The following MYO1D variants were observed in gnomAD, a reference collection of about 807,000 sequenced individuals.
The protein encoded by MYO1D is myosin ID, also known as unconventional myosin-Id.
A neutral mutation model predicts 122.0 loss-of-function variants in MYO1D; 83 were observed. That is an observed-to-expected ratio of 0.68 (90% confidence interval 0.57 to 0.82). The LOEUF (loss-of-function observed/expected upper bound fraction) is 0.82. MYO1D is among the 40% of genes least tolerant of loss of function. The pLI is 0.00. For synonymous variants in MYO1D, 464 were observed against 446.9 expected (o/e 1.04, Z -0.48); for missense variants, 1,157 against 1,269.5 (o/e 0.91, Z 1.35).
chr17:32,874,237 T>G (rs1047640750), intron 1 of MYO1D, among the ~76,000 whole-genome samples: 1 of 149,288 alleles, frequency 6.7e-6, no homozygotes, highest in Admixed American at 6.6e-5. Flanking sequence ...TATCTTCTCT[T>G]TCTTTTCCTT....
intron 21 of MYO1D, among the ~76,000 whole-genome samples, chr17:32,587,844 A>C (rs183694656): frequency 6.6e-6 from 1 of 152,180 alleles, no homozygotes; most frequent in Non-Finnish European, 1.5e-5. Flanking sequence ...CCTCTGTTCC[A>C]GCTACTTCCA....
Position 32,765,740 on chromosome 17 carries a change from G to A in MYO1D, c.832-659C>T, listed in dbSNP as rs147258643. On this transcript the variant is annotated intron_variant, in intron 7 of 21. Coordinates refer to ENST00000318217, the MANE Select transcript of MYO1D (RefSeq NM_015194.3). ...CCCAAAGTGCTGGGATTACAGGCGT[G>A]AGCCACCGCGCCTGGCCTTTTTCCT... 2.6e-5 allele frequency among the ~76,000 whole-genome samples: 4 copies of A among 152,298 alleles called. No homozygotes were observed. The East Asian group carries it at 7.7e-4, about 29-fold the overall frequency.
chr17:32,789,651 G>A (rs1343533066), intron 1 of MYO1D, among the ~76,000 whole-genome samples: 1 of 152,186 alleles, frequency 6.6e-6, no homozygotes, highest in Non-Finnish European at 1.5e-5. Flanking sequence ...AAGTTAGGAG[G>A]AGGTCATTAG....
chr17:32,844,056 A>G (rs1465617481), intron 1 of MYO1D, among the ~76,000 whole-genome samples: 1 of 151,002 alleles, frequency 6.6e-6, no homozygotes, highest in Non-Finnish European at 1.5e-5. Flanking sequence ...GATATTTATC[A>G]GCATAATGAT....
At chr17:32,817,891 C>T (rs2090625359) in intron 1 of MYO1D, among the ~76,000 whole-genome samples, 1 of 151,884 alleles carries the variant, frequency 6.6e-6, no homozygotes, top group Admixed American at 6.6e-5. Context: ...CTTTGGGAGG[C>T]CGAGGCGGGC....
intron 21 of MYO1D, 72 bp downstream of exon 21, chr17:32,605,015 A>C: frequency 7.2e-7 from 1 of 1,387,114 alleles, no homozygotes; most frequent in Middle Eastern, 1.9e-4. Flanking sequence ...GCACAAAACA[A>C]GCTCAGTGAT....
intron 16 of MYO1D, among the ~76,000 whole-genome samples, chr17:32,678,251 TTTC>T (rs900562358): frequency 4.4e-4 from 38 of 85,394 alleles, no homozygotes; most frequent in African/African-American, 1.0e-3. Flanking sequence ...CAAAAATATA[TTTC>T]TTTTTTTTTT....
rs1319531903 is a variant in MYO1D at position 32,549,251 on chromosome 17, C to A, written c.2865-54336G>T. Among the ~76,000 whole-genome samples the A allele has an allele frequency of 2.6e-5, 4 of 152,116 alleles. No homozygotes were observed. The East Asian group carries it at 7.7e-4, about 29-fold the overall frequency. On this transcript the variant is annotated intron_variant, in intron 21 of 21. Coordinates refer to ENST00000318217, the MANE Select transcript of MYO1D (RefSeq NM_015194.3). ...AGGACTACAGGCACACAGCACCACA[C>A]CCAGCTAATTTTGTTCATTATTTTT... is the stretch of plus-strand genomic sequence containing the variant.
chr17:32,567,331 A>T lies in MYO1D; in HGVS notation c.2864+37756T>A, dbSNP rs766647150. ...ACTCAGCGAATGAATGTATTTAAAC[A>T]GAACCTATTCTGTAATAATCACTAT... On this transcript the variant is annotated intron_variant, in intron 21 of 21. Coordinates refer to ENST00000318217, the MANE Select transcript of MYO1D (RefSeq NM_015194.3). 1.3e-3 allele frequency among the ~76,000 whole-genome samples: 202 copies of T among 152,256 alleles called. 1 individual carries two copies. Among genetic ancestry groups the T allele is most frequent in the Non-Finnish European group, 2.4e-3 (162 of 68,044 alleles).
chr17:32,653,023 TC>T (rs952668850), intron 19 of MYO1D, among the ~76,000 whole-genome samples: 33 of 151,914 alleles, frequency 2.2e-4, no homozygotes, highest in African/African-American at 6.5e-4. Context: ...GCGCCTGTAG[TC>T]CCAGCTACTC....
At chr17:32,867,771 C>T (rs183882008) in intron 1 of MYO1D, among the ~76,000 whole-genome samples, 58 of 133,798 alleles carry the variant, frequency 4.3e-4, no homozygotes, top group African/African-American at 1.6e-3. Context: ...TGCACTCCAG[C>T]CTGGGCGACA....
chr17:32,765,799 T>C (rs1217946317), intron 7 of MYO1D, among the ~76,000 whole-genome samples: 1 of 152,144 alleles, frequency 6.6e-6, no homozygotes, highest in Non-Finnish European at 1.5e-5. Context: ...TTGATTTTGG[T>C]ACATGGTATC....
In MYO1D at chr17:32,654,516, G is replaced by A; in HGVS notation, c.2451C>T (p.Leu817=). The change falls in exon 18 of 22, where the codon CTC becomes CTT. Residue 817 remains leucine, a synonymous_variant. Transcript: ENST00000318217. ...TGCCCTCCCAGGCCCTCTGGAGCCC[G>A]AGGTCAGCCCTTTGACCCTTCAACA... The part of the protein sequence containing the change: ...VEMLKGQRAD[L]GLQRAWEGNY... The A allele has an allele frequency of 4.3e-6, 7 of 1,613,884 alleles. No individual in the cohort carries two copies. The highest frequency in any genetic ancestry group is 2.7e-5 in the African/African-American group (2 of 74,988).
chr17:32,604,433 A>G (rs2087601710), intron 21 of MYO1D, among the ~76,000 whole-genome samples: 1 of 152,174 alleles, frequency 6.6e-6, no homozygotes, highest in Non-Finnish European at 1.5e-5. Flanking sequence ...GAGAAATCCA[A>G]TCTCTGAAAC....
intron 16 of MYO1D, among the ~76,000 whole-genome samples, chr17:32,692,291 G>A (rs757066322): frequency 1.3e-5 from 2 of 152,186 alleles, no homozygotes; most frequent in Non-Finnish European, 2.9e-5. Context: ...TCTCTTGGTA[G>A]TAGTTATATA....
chr17:32,780,217 T>A lies in MYO1D; in HGVS notation c.304+359A>T, dbSNP rs867440805. 5.3e-5 allele frequency among the ~76,000 whole-genome samples: 8 copies of A among 152,338 alleles called. No homozygotes were observed. The South Asian group carries it at 1.5e-3, about 28-fold the overall frequency. On this transcript the variant is annotated intron_variant, in intron 2 of 21. Transcript: ENST00000318217. Reference sequence around the variant, plus strand: ...GTCTGATTTTGAGTTGATTCTTCCTTTTCACACCTCAATATTTCATTTTCG... The same window carrying A: ...GTCTGATTTTGAGTTGATTCTTCCTATTCACACCTCAATATTTCATTTTCG...
At chr17:32,827,664 G>A (rs1050487022) in intron 1 of MYO1D, among the ~76,000 whole-genome samples, 1 of 151,920 alleles carries the variant, frequency 6.6e-6, no homozygotes, top group African/African-American at 2.4e-5. Context: ...CGATTCAACT[G>A]ACATGAACAC....
chr17:32,771,903 T>C (rs1014572321), intron 5 of MYO1D, among the ~76,000 whole-genome samples: 3 of 152,236 alleles, frequency 2.0e-5, no homozygotes, highest in East Asian at 1.9e-4. Flanking sequence ...TGCTTTTATA[T>C]AGAGCATGTT....
At chr17:32,871,028 G>C (rs979485849) in intron 1 of MYO1D, among the ~76,000 whole-genome samples, 2 of 152,178 alleles carry the variant, frequency 1.3e-5, no homozygotes, top group Non-Finnish European at 1.5e-5. Context: ...GACCTGTTTT[G>C]GGGGATTGGG....
Sources: allele counts gnomAD v4.1 joint callset (sites outside exome capture counted in the v4.1 genomes callset), GRCh38; gene constraint gnomAD v4.1.1; transcripts MANE v1.5; gene names NCBI Gene and HGNC (gene_info 2026-07-23, HGNC 2026-07-21).